KCND3: variants seen among roughly 807,000 people sequenced by gnomAD.
KCND3 encodes the protein A-type voltage-gated potassium channel KCND3.
In KCND3, 9 loss-of-function variants were observed where a neutral mutation model predicts 51.1. The ratio of observed to expected loss-of-function variants is 0.18; its 90% CI spans 0.11 to 0.31. KCND3 has a LOEUF of 0.31. Among genes scored for constraint, KCND3 ranks in the 10% least tolerant of loss-of-function variants. The probability of loss-of-function intolerance (pLI) is 1.00; values close to 1 mark genes in which losing one functional copy is unlikely to be tolerated. For synonymous variants in KCND3, 349 were observed against 368.0 expected (o/e 0.95, Z 0.59); for missense variants, 526 against 903.8 (o/e 0.58, Z 5.36).
At chr1:111,965,163 C>A (rs1284247257) in intron 2 of KCND3, among the ~76,000 whole-genome samples, 1 of 151,712 alleles carries the variant, frequency 6.6e-6, no homozygotes, top group Non-Finnish European at 1.5e-5. Context: ...CCCAGCAATT[C>A]TCTCTGGATT....
intron 2 of KCND3, among the ~76,000 whole-genome samples, chr1:111,946,480 C>T (rs78965494): frequency 0.024 from 3,674 of 152,242 alleles, 148 homozygotes; most frequent in African/African-American, 0.084. Flanking sequence ...GTCCTTCATG[C>T]CCTCCTTGGC....
At chr1:111,914,126 C>G (rs1671083658) in intron 2 of KCND3, among the ~76,000 whole-genome samples, 2 of 151,336 alleles carry the variant, frequency 1.3e-5, no homozygotes, top group Non-Finnish European at 2.9e-5. Context: ...AGAAAAGTGA[C>G]CCCAATAAAA....
At chr1:111,853,068 C>T (rs1421399943) in intron 2 of KCND3, among the ~76,000 whole-genome samples, 3 of 152,206 alleles carry the variant, frequency 2.0e-5, no homozygotes. Context: ...CACGGCAATG[C>T]TATGAGATAG....
chr1:111,948,322 C>T (rs1418182745), intron 2 of KCND3, among the ~76,000 whole-genome samples: 1 of 152,226 alleles, frequency 6.6e-6, no homozygotes, highest in Non-Finnish European at 1.5e-5. Flanking sequence ...CAGCCACAGA[C>T]AAGTGCTTAG....
chr1:111,934,555 C>T (rs1239502879), intron 2 of KCND3, among the ~76,000 whole-genome samples: 1 of 152,168 alleles, frequency 6.6e-6, no homozygotes, highest in Non-Finnish European at 1.5e-5. Context: ...AGCGCCCCGC[C>T]AGACTCGTGT....
chr1:111,882,037 A>G (rs1669356714), intron 2 of KCND3, among the ~76,000 whole-genome samples: 1 of 152,148 alleles, frequency 6.6e-6, no homozygotes, highest in Admixed American at 6.5e-5. Context: ...GAGACCCAGC[A>G]GCTGTAGAGG....
intron 2 of KCND3, among the ~76,000 whole-genome samples, chr1:111,846,545 T>C (rs1295249921): frequency 2.0e-5 from 3 of 152,188 alleles, no homozygotes; most frequent in Non-Finnish European, 4.4e-5. Flanking sequence ...GCTAGACAGC[T>C]TGGGGCTGAA....
chr1:111,857,110 T>G (rs1056659746), intron 2 of KCND3, among the ~76,000 whole-genome samples: 6 of 152,204 alleles, frequency 3.9e-5, no homozygotes, highest in Admixed American at 3.3e-4. Flanking sequence ...TCTCATTGAT[T>G]TCATTTACAA....
chr1:111,879,183 A>G (rs1286415974), intron 2 of KCND3, among the ~76,000 whole-genome samples: 1 of 152,164 alleles, frequency 6.6e-6, no homozygotes, highest in Non-Finnish European at 1.5e-5. Context: ...CGCCTCCATC[A>G]TCATGCGAGC....
At chr1:111,953,114 T>A (rs142806728) in intron 2 of KCND3, among the ~76,000 whole-genome samples, 1,568 of 152,194 alleles carry the variant, frequency 0.01, 16 homozygotes, top group Non-Finnish European at 0.015. Flanking sequence ...AAAGCTGGCA[T>A]AACTAGATGC....
At chr1:111,792,808 AC>A (rs1664893531) in intron 2 of KCND3, among the ~76,000 whole-genome samples, 1 of 151,756 alleles carries the variant, frequency 6.6e-6, no homozygotes, top group Non-Finnish European at 1.5e-5. Flanking sequence ...GGTCCAGACC[AC>A]CATACTTTCT....
intron 2 of KCND3, among the ~76,000 whole-genome samples, chr1:111,835,503 C>T (rs1372154343): frequency 6.6e-6 from 1 of 152,054 alleles, no homozygotes; most frequent in Non-Finnish European, 1.5e-5. Context: ...TCACAAAGAC[C>T]CTGCTGATAA....
chr1:111,862,095 G>A lies in KCND3; in HGVS notation c.1107-74989C>T, dbSNP rs186916208. On this transcript the variant is annotated intron_variant, in intron 2 of 7. Coordinates refer to ENST00000302127, the MANE Select transcript of KCND3 (RefSeq NM_001378969.1). The stretch of plus-strand genomic sequence containing the variant: ...TTTATAGTGCAGGGCGCTGGCTGGG[G>A]AGGGAGCAGCCCCTAGAGACTCTGC... 1.0e-3 allele frequency among the ~76,000 whole-genome samples: 154 copies of A among 152,374 alleles called. 1 individual carries two copies. Among genetic ancestry groups the A allele is most frequent in the African/African-American group, 3.5e-3 (144 of 41,592 alleles).
chr1:111,833,248 T>C (rs1281236152), intron 2 of KCND3, among the ~76,000 whole-genome samples: 1 of 152,248 alleles, frequency 6.6e-6, no homozygotes, highest in African/African-American at 2.4e-5. Flanking sequence ...CCAATTATGG[T>C]GCCCAGTTTA....
chr1:111,819,769 C>T (rs1208579328), intron 2 of KCND3, among the ~76,000 whole-genome samples: 1 of 152,198 alleles, frequency 6.6e-6, no homozygotes, highest in Non-Finnish European at 1.5e-5. Flanking sequence ...TCTCCCAGCA[C>T]CTGTCACTGG....
chr1:111,956,832 C>T (rs1174060120), intron 2 of KCND3, among the ~76,000 whole-genome samples: 5 of 152,212 alleles, frequency 3.3e-5, no homozygotes, highest in Non-Finnish European at 2.9e-5. Context: ...TCCCTCCCTA[C>T]AGCACCTGGA....
intron 2 of KCND3, among the ~76,000 whole-genome samples, chr1:111,930,454 T>C (rs1307418339): frequency 6.6e-6 from 1 of 152,246 alleles, no homozygotes; most frequent in Non-Finnish European, 1.5e-5. Flanking sequence ...CCTCAATGAA[T>C]GCTGGTTGGA....
At chr1:111,786,496 C>T (rs756789057) in intron 3 of KCND3, among the ~76,000 whole-genome samples, 69 of 152,290 alleles carry the variant, frequency 4.5e-4, no homozygotes, top group South Asian at 1.2e-3. Flanking sequence ...CTGAACTCAA[C>T]GGCCTCAGGA....
At chr1:111,841,407 CTCTT>C (rs1406656086) in intron 2 of KCND3, among the ~76,000 whole-genome samples, 1 of 150,852 alleles carries the variant, frequency 6.6e-6, no homozygotes, top group Non-Finnish European at 1.5e-5. Flanking sequence ...TGACCACTCT[CTCTT>C]TCTCAGTAGG....
Sources: gnomAD v4.1 joint callset for allele counts (sites outside exome capture counted in the v4.1 genomes callset) on GRCh38, gnomAD v4.1.1 for gene constraint, MANE v1.5 for transcripts, NCBI Gene and HGNC (gene_info 2026-07-23, HGNC 2026-07-21) for gene names.